AHNAK: variants seen among roughly 807,000 people sequenced by gnomAD.
AHNAK encodes the protein AHNAK nucleoprotein, also known as neuroblast differentiation-associated protein AHNAK.
A neutral mutation model predicts 37.8 loss-of-function variants in AHNAK; 23 were observed. That is an observed-to-expected ratio of 0.61 (90% CI 0.44 to 0.86). The LOEUF is 0.86. Ranked by LOEUF, AHNAK falls within the 40% of genes least tolerant of loss-of-function variation. The pLI, the probability that AHNAK is intolerant of heterozygous loss-of-function variation, is 0.00. For synonymous variants in AHNAK, 2,481 were observed against 2,636.3 expected (o/e 0.94, Z 1.80); for missense variants, 7,411 against 7,319.4 (o/e 1.01, Z -0.46).
At chr11:62,537,016 G>A (rs1239202517) in intron 1 of AHNAK, among the ~76,000 whole-genome samples, 7 of 150,838 alleles carry the variant, frequency 4.6e-5, no homozygotes, top group South Asian at 2.1e-4. Flanking sequence ...GTGCAATAGC[G>A]GATCTCGGCT....
intron 1 of AHNAK, among the ~76,000 whole-genome samples, chr11:62,543,866 G>A (rs1419022788): frequency 6.6e-6 from 1 of 151,208 alleles, no homozygotes; most frequent in Non-Finnish European, 1.5e-5. Flanking sequence ...TGCACAGCAC[G>A]GTGCCAGCCC....
intron 5 of AHNAK, among the ~76,000 whole-genome samples, chr11:62,479,447 G>C (rs892536986): frequency 1.6e-4 from 22 of 141,200 alleles, no homozygotes; most frequent in African/African-American, 5.2e-4. Flanking sequence ...GATTACGGGC[G>C]TGAGCTACCC....
rs1251751373 is a variant in AHNAK, at chr11:62,518,791, T to G, written c.15626A>C (p.Lys5209Thr). Reference protein sequence around the residue: ...VNVNLKGPKIKGDVPSVGLEG... With the variant: ...VNVNLKGPKITGDVPSVGLEG... ...CAGTCCCACGCTGGGGACATCACCC[T>G]TTATCTTTGGTCCTTTCAAGTTTAC... Residue 5209 changes from lysine (K) to threonine (T), a missense_variant, in exon 5 of 5, where the codon AAG (lysine) becomes ACG (threonine). Transcript: ENST00000378024. 1 of 1,614,218 alleles carries G rather than the reference T, an allele frequency of 6.2e-7. No homozygotes were observed. The highest frequency in any genetic ancestry group is 1.1e-5 in the South Asian group (1 of 91,088).
At position 62,517,690 on chromosome 11, in the gene AHNAK, A is replaced by G. The variant is rs765302274; in HGVS notation, c.16727T>C (p.Val5576Ala). Residue 5576 changes from valine (V) to alanine (A), a missense_variant, in exon 5 of 5, where the codon GTC becomes GCC. Transcript: ENST00000378024. ...ACCAAGGCTGATGTCTGGGGCACTG[A>G]CACCCCCTGAAACATCCGCACCTCC... ...IKGGADVSGG[V>A]SAPDISLGEG... The G allele has an allele frequency of 6.2e-6, 10 of 1,614,148 alleles. No individual in the cohort carries two copies. Among genetic ancestry groups the G allele is most frequent in the Non-Finnish European group, 7.6e-6 (9 of 1,180,026 alleles).
chr11:62,506,892 G>A (rs1379163199), intron 4 of AHNAK, among the ~76,000 whole-genome samples: 2 of 152,076 alleles, frequency 1.3e-5, no homozygotes, highest in Non-Finnish European at 2.9e-5. Context: ...CCCAAAATGG[G>A]CAAATGGGTG....
At chr11:62,461,732 G>A (rs1938793654) in intron 5 of AHNAK, among the ~76,000 whole-genome samples, 2 of 151,896 alleles carry the variant, frequency 1.3e-5, no homozygotes, top group African/African-American at 4.8e-5. Flanking sequence ...GGCTGAGGCA[G>A]GAGAATCACT....
chr11:62,471,232 G>A (rs150179861), intron 5 of AHNAK, among the ~76,000 whole-genome samples: 232 of 152,264 alleles, frequency 1.5e-3, no homozygotes, highest in Non-Finnish European at 2.5e-3. Context: ...TTTGCTGTGG[G>A]AGGCCGTCCT....
Position 62,517,093 on chromosome 11 carries a change from T to G in AHNAK, c.17324A>C (p.Lys5775Thr), listed in dbSNP as rs778213771. Reference sequence around the variant, plus strand: ...GAATGAATTTGAGCGGTGCCGTGGCTTCTTACTTTTAAATAAGGAGAATTT... The same window carrying G: ...GAATGAATTTGAGCGGTGCCGTGGCGTCTTACTTTTAAATAAGGAGAATTT... ...KGKFSLFKSK[K>T]PRHRSNSFSD... Residue 5775 changes from lysine to threonine, a missense_variant, in exon 5 of 5, where the codon AAG becomes ACG. Coordinates refer to ENST00000378024, the MANE Select transcript of AHNAK (RefSeq NM_001620.3). The G allele has an allele frequency of 1.6e-5, 26 of 1,613,714 alleles. No individual in the cohort carries two copies. The highest frequency in any genetic ancestry group is 1.6e-4 in the Middle Eastern group (1 of 6,082).
At chr11:62,444,561 C>T (rs1349990370) in intron 5 of AHNAK, among the ~76,000 whole-genome samples, 1 of 152,258 alleles carries the variant, frequency 6.6e-6, no homozygotes, top group Non-Finnish European at 1.5e-5. Context: ...ATGTCCGCGC[C>T]GTGGGGAAGC....
At chr11:62,471,985 GCC>G (rs1939044487) in intron 5 of AHNAK, among the ~76,000 whole-genome samples, 1 of 152,056 alleles carries the variant, frequency 6.6e-6, no homozygotes, top group South Asian at 2.1e-4. Flanking sequence ...ACGACCACTC[GCC>G]CCAGGGTCTG....
At chr11:62,500,855 T>A (rs1268978135) in intron 4 of AHNAK, among the ~76,000 whole-genome samples, 1 of 152,204 alleles carries the variant, frequency 6.6e-6, no homozygotes, top group Admixed American at 6.5e-5. Flanking sequence ...CTGGGAATGC[T>A]CACTATCAAG....
Position 62,528,718 on chromosome 11 carries a change from C to A in AHNAK, c.5699G>T (p.Cys1900Phe), listed in dbSNP as rs150461450. The A allele has an allele frequency of 6.2e-7, 1 of 1,612,030 alleles. No individual in the cohort carries two copies. Among genetic ancestry groups the A allele is most frequent in the African/African-American group, 1.3e-5 (1 of 74,152 alleles). ...GVEVPDVELE[C>F]PDAKLKGPKF... ...AGGGCCTTTCAACTTTGCATCAGGA[C>A]ACTCCAGCTCAACATCAGGCACCTC... The change falls in exon 5 of 5, where the codon TGT becomes TTT. Residue 1900 changes from cysteine to phenylalanine, a missense_variant. Transcript: ENST00000378024.
chr11:62,488,091 C>T (rs1474912036), intron 5 of AHNAK, among the ~76,000 whole-genome samples: 1 of 152,222 alleles, frequency 6.6e-6, no homozygotes, highest in Admixed American at 6.5e-5. Flanking sequence ...CTCTGAATCC[C>T]TGTGACTGGC....
intron 4 of AHNAK, among the ~76,000 whole-genome samples, chr11:62,500,120 G>A (rs530362997): frequency 6.6e-6 from 1 of 152,340 alleles, no homozygotes; most frequent in South Asian, 2.1e-4. Context: ...AACTTAGTTT[G>A]TGGCTTACCC....
intron 5 of AHNAK, among the ~76,000 whole-genome samples, chr11:62,490,201 T>C (rs1320605335): frequency 6.3e-4 from 88 of 138,984 alleles, no homozygotes; most frequent in Non-Finnish European, 1.1e-3. Flanking sequence ...CTTTTTCTTT[T>C]TTTTTTTTTT....
At chr11:62,487,719 G>T (rs936546957) in intron 5 of AHNAK, among the ~76,000 whole-genome samples, 1 of 152,188 alleles carries the variant, frequency 6.6e-6, no homozygotes, top group Non-Finnish European at 1.5e-5. Flanking sequence ...TTACCAAAAT[G>T]ACCCTGTATG....
rs772777351 is a variant in AHNAK at position 62,528,543 on chromosome 11, C to G, written c.5874G>C (p.Val1958=). Residue 1958 remains valine (V), a synonymous_variant, in exon 5 of 5, where the codon GTG becomes GTC. Coordinates refer to ENST00000378024, the MANE Select transcript of AHNAK (RefSeq NM_001620.3). ...EGDLTGPSVG[V]EVPDVELECP... is the part of the protein sequence containing the mutation. ...ACTCCAGCTCAACATCAGGCACCTC[C>G]ACACCCACACTGGGACCTGTTAAAT... The G allele has an allele frequency of 6.1e-5, 98 of 1,611,732 alleles. No individual in the cohort carries two copies. The highest frequency in any genetic ancestry group is 8.1e-5 in the Non-Finnish European group (96 of 1,179,702).
rs1940765530 is a variant in AHNAK at position 62,531,908 on chromosome 11, C to T, written c.2509G>A (p.Asp837Asn). ...CTTTCAACCTTTGGCATTGTGACATCATATTCTCCCTTTACGTTAGGGCCT... is the reference window on the plus strand; with the variant it reads ...CTTTCAACCTTTGGCATTGTGACATTATATTCTCCCTTTACGTTAGGGCCT... Reference protein sequence around the residue: ...LKGPNVKGEYDVTMPKVESEI... With the variant: ...LKGPNVKGEYNVTMPKVESEI... Residue 837 changes from aspartate to asparagine, a missense_variant, in exon 5 of 5, where the codon GAT becomes AAT. By Grantham distance (23) the Asp-to-Asn change is conservative (BLOSUM62 1). Transcript: ENST00000378024. 1.2e-6 allele frequency: 2 copies of T among 1,613,500 alleles called. No individual in the cohort carries two copies. Among genetic ancestry groups the T allele is most frequent in the African/African-American group, 1.3e-5 (1 of 74,704 alleles).
chr11:62,536,629 T>A (rs1175060148), intron 1 of AHNAK, 62 bp from the exon 2 acceptor site: 1 of 152,360 alleles, frequency 6.6e-6, no homozygotes, highest in Non-Finnish European at 1.5e-5. Context: ...TCCAAGTCTC[T>A]ACCCAAGGGA....
Sources: allele counts gnomAD v4.1 joint callset (sites outside exome capture counted in the v4.1 genomes callset), GRCh38; gene constraint gnomAD v4.1.1; transcripts MANE v1.5; gene names NCBI Gene and HGNC (gene_info 2026-07-23, HGNC 2026-07-21).